Variants in PTPRO observed in about 807,000 individuals in gnomAD.
PTPRO encodes the protein receptor-type tyrosine-protein phosphatase O.
In PTPRO, 62 loss-of-function variants were observed where a neutral mutation model predicts 145.2. That is an observed-to-expected ratio of 0.43 (90% confidence interval 0.35 to 0.53). The LOEUF is 0.53. Among genes scored for constraint, PTPRO ranks in the 20% least tolerant of loss-of-function variants. The pLI is 0.01. For missense variants in PTPRO, 1,345 were observed against 1,482.7 expected, an observed-to-expected ratio of 0.91 and a Z score of 1.53; for synonymous variants, 565 against 514.7, an observed-to-expected ratio of 1.10 and a Z score of -1.32.
chr12:15,582,898 G>A (rs1372189746), intron 23 of PTPRO, among the ~76,000 whole-genome samples: 5 of 152,136 alleles, frequency 3.3e-5, no homozygotes, highest in Admixed American at 6.5e-5. Flanking sequence ...CTGAGCAAAC[G>A]CTGAATATTT....
chr12:15,365,053 T>C (rs1367236708), intron 1 of PTPRO, among the ~76,000 whole-genome samples: 1 of 152,212 alleles, frequency 6.6e-6, no homozygotes, highest in Non-Finnish European at 1.5e-5. Flanking sequence ...CAATTAGGCT[T>C]TGTCCCCCTT....
rs749433233 is a variant in PTPRO, at chr12:15,322,810, G to C, written c.75+9G>C. 5.6e-6 allele frequency: 9 copies of C among 1,610,762 alleles called. No homozygotes were observed. Among genetic ancestry groups the C allele is most frequent in the Non-Finnish European group, 7.6e-6 (9 of 1,178,906 alleles). ...TCTTTGTGCTGTTCAAGGTAGGGGA[G>C]CTCCTCCACCCCTTTTTCCCAGCGG... is the stretch of plus-strand genomic sequence containing the variant. On this transcript the variant is annotated intron_variant, in intron 1 of 26. Coordinates refer to ENST00000281171, the MANE Select transcript of PTPRO (RefSeq NM_030667.3). The surrounding 1 kb of genome is among the most constrained non-coding windows in gnomAD (Gnocchi z 6.3).
intron 2 of PTPRO, among the ~76,000 whole-genome samples, chr12:15,496,836 T>C (rs1942117834): frequency 6.6e-6 from 1 of 152,222 alleles, no homozygotes; most frequent in Admixed American, 6.5e-5. Flanking sequence ...GTTACTGATA[T>C]CAAATTTCCT....
chr12:15,432,077 G>T (rs1047690806), intron 1 of PTPRO, among the ~76,000 whole-genome samples: 6 of 152,066 alleles, frequency 3.9e-5, no homozygotes, highest in African/African-American at 1.2e-4. Flanking sequence ...GGGGTTTATT[G>T]TACAGATTAT....
chr12:15,554,018 A>C (rs1347605336), intron 15 of PTPRO, among the ~76,000 whole-genome samples: 1 of 152,172 alleles, frequency 6.6e-6, no homozygotes, highest in Non-Finnish European at 1.5e-5. Flanking sequence ...AACATGAAGA[A>C]ACCCTGTCTC....
At chr12:15,574,705 G>C (rs1944140747) in intron 19 of PTPRO, among the ~76,000 whole-genome samples, 1 of 152,084 alleles carries the variant, frequency 6.6e-6, no homozygotes, top group Non-Finnish European at 1.5e-5. Flanking sequence ...GTCTAAACTA[G>C]TTTGAGCTAT....
intron 18 of PTPRO, among the ~76,000 whole-genome samples, chr12:15,566,799 G>A (rs980146945): frequency 2.0e-5 from 3 of 152,158 alleles, no homozygotes; most frequent in African/African-American, 7.2e-5. Flanking sequence ...GGGATTACAG[G>A]CATGAGGCAC....
Position 15,493,748 on chromosome 12 carries a change from G to A in PTPRO, c.350-3497G>A, listed in dbSNP as rs539658304. 2.6e-5 allele frequency among the ~76,000 whole-genome samples: 4 copies of A among 152,192 alleles called. No individual in the cohort carries two copies. The South Asian group carries it at 8.3e-4, about 32-fold the overall frequency. ...TAATCTAATTAGAAAACTTTCTGAG[G>A]CTAGACTATCTGACACAGATGATGT... On this transcript the variant is annotated intron_variant, in intron 2 of 26. Coordinates refer to ENST00000281171, the MANE Select transcript of PTPRO (RefSeq NM_030667.3).
intron 8 of PTPRO, 148 bp from the exon 9 acceptor site, chr12:15,516,615 A>AAGGG (rs58598813): frequency 0.18 from 102,728 of 560,038 alleles, 8,839 homozygotes; most frequent in Middle Eastern, 0.25. Flanking sequence ...GAAAGGGAGG[A>AAGGG]AGGAAGGAAG....
chr12:15,328,128 A>AAG (rs1254589389), intron 1 of PTPRO, among the ~76,000 whole-genome samples: 1 of 151,870 alleles, frequency 6.6e-6, no homozygotes, highest in African/African-American at 2.4e-5. Context: ...AAAAAAAAAA[A>AAG]GTATATGTGA....
chr12:15,478,710 C>T (rs562496164), intron 1 of PTPRO, among the ~76,000 whole-genome samples: 4 of 152,112 alleles, frequency 2.6e-5, no homozygotes, highest in East Asian at 3.9e-4. Flanking sequence ...CTCTCTCTGT[C>T]GCCCAGGCTG....
chr12:15,363,661 A>T (rs116201164), intron 1 of PTPRO, among the ~76,000 whole-genome samples: 35,190 of 143,308 alleles, frequency 0.25, 4,223 homozygotes, highest in Non-Finnish European at 0.29. Flanking sequence ...TCATCTAACT[A>T]AAAAAAAAAA....
chr12:15,413,250 C>T (rs973387540), intron 1 of PTPRO, among the ~76,000 whole-genome samples: 1 of 152,110 alleles, frequency 6.6e-6, no homozygotes, highest in Admixed American at 6.5e-5. Flanking sequence ...GCCACCACGC[C>T]CAGCTAATTT....
chr12:15,328,166 T>C (rs1342271860), intron 1 of PTPRO, among the ~76,000 whole-genome samples: 1 of 152,042 alleles, frequency 6.6e-6, no homozygotes, highest in Admixed American at 6.6e-5. Flanking sequence ...ATACCTCTCA[T>C]GTAATCTGCT....
Position 15,484,549 on chromosome 12 carries a change from C to G in PTPRO, c.349+302C>G, listed in dbSNP as rs1168750169. Among the ~76,000 whole-genome samples, 4 of 152,086 alleles carry G rather than the reference C, an allele frequency of 2.6e-5. No individual in the cohort carries two copies. In the East Asian group the frequency reaches 7.7e-4, roughly 29 times the overall value. ...GACCATGTAATTTTCTGCTATGTTG[C>G]TTAATAATGTCATCATAACTTGTTT... On this transcript the variant is annotated intron_variant, in intron 2 of 26. Transcript: ENST00000281171.
At chr12:15,459,160 C>T (rs921313930) in intron 1 of PTPRO, among the ~76,000 whole-genome samples, 9 of 152,254 alleles carry the variant, frequency 5.9e-5, no homozygotes, top group Admixed American at 3.3e-4. Context: ...AAAATTGAAA[C>T]GTTAAATATG....
At chr12:15,358,001 G>C (rs1345857689) in intron 1 of PTPRO, among the ~76,000 whole-genome samples, 1 of 151,222 alleles carries the variant, frequency 6.6e-6, no homozygotes. Context: ...GTCCAACAAT[G>C]ATAGACTGGA....
chr12:15,391,583 G>A (rs935538517), intron 1 of PTPRO, among the ~76,000 whole-genome samples: 3 of 152,102 alleles, frequency 2.0e-5, no homozygotes, highest in Admixed American at 6.5e-5. Context: ...TGTCCCCATT[G>A]CATCTCACCA....
chr12:15,554,581 T>A (rs1168719201), intron 15 of PTPRO, among the ~76,000 whole-genome samples: 1 of 152,010 alleles, frequency 6.6e-6, no homozygotes, highest in African/African-American at 2.4e-5. Flanking sequence ...TGGAGTCCAA[T>A]GTTGAAGGGC....
Sources: allele counts gnomAD v4.1 joint callset (sites outside exome capture counted in the v4.1 genomes callset), GRCh38; gene constraint gnomAD v4.1.1; non-coding constraint Gnocchi (gnomAD v3.1); transcripts MANE v1.5; gene names NCBI Gene and HGNC (gene_info 2026-07-23, HGNC 2026-07-21).